Variants in KCNH1 observed in about 807,000 individuals in gnomAD.
KCNH1 encodes the protein potassium voltage-gated channel subfamily H member 1.
A neutral mutation model predicts 69.2 loss-of-function variants in KCNH1; 27 were observed. The ratio of observed to expected loss-of-function variants is 0.39; its 90% CI spans 0.29 to 0.54. The LOEUF (loss-of-function observed/expected upper bound fraction) is 0.54. Ranked by LOEUF, KCNH1 falls within the 20% of genes least tolerant of loss-of-function variation. The probability of loss-of-function intolerance (pLI) is 0.68; values close to 1 mark genes in which losing one functional copy is unlikely to be tolerated. For missense variants in KCNH1, 798 were observed against 1,261.6 expected (o/e 0.63, Z 5.57); for synonymous variants, 456 against 487.7 (o/e 0.93, Z 0.86).
rs1558472980 is a variant in KCNH1, at chr1:210,795,962, A to ACACACAC, written c.1915+1545_1915+1546insGTGTGTG. Among the ~76,000 whole-genome samples, 1,155 of 136,084 alleles carry ACACACAC rather than the reference A, an allele frequency of 8.5e-3. 12 individuals carry two copies. The highest frequency in any genetic ancestry group is 0.013 in the Non-Finnish European group (804 of 64,080). 89.3% of individuals were successfully genotyped at this position (136,084 alleles called of 152,430 possible). A position where few individuals can be genotyped will look rare whatever the true frequency, so the allele number is the denominator to read the frequency against. Reference sequence around the variant, plus strand: ...ATGGTGAAACCCCATCTCTACTAAAAACACACACACACACACACACACACA... The same window carrying ACACACAC: ...ATGGTGAAACCCCATCTCTACTAAAACACACACACACACACACACACACACACACACA... On this transcript the variant is annotated intron_variant, in intron 9 of 10. Coordinates refer to ENST00000271751, the MANE Select transcript of KCNH1 (RefSeq NM_172362.3).
At chr1:210,886,644 C>G (rs1027314012) in intron 7 of KCNH1, among the ~76,000 whole-genome samples, 1 of 151,484 alleles carries the variant, frequency 6.6e-6, no homozygotes, top group African/African-American at 2.4e-5. Context: ...AAGCTAAGAA[C>G]CTTGAAAAAA....
chr1:210,687,898 C>T (rs1011554311), intron 10 of KCNH1, among the ~76,000 whole-genome samples: 20 of 152,252 alleles, frequency 1.3e-4, no homozygotes, highest in African/African-American at 3.6e-4. Flanking sequence ...ATCCTGGGAA[C>T]GATGGGCATG....
chr1:210,971,019 T>C (rs1386299172), intron 6 of KCNH1, among the ~76,000 whole-genome samples: 1 of 152,198 alleles, frequency 6.6e-6, no homozygotes, highest in Non-Finnish European at 1.5e-5. Flanking sequence ...AAGACATTTA[T>C]GCGGCCAATA....
intron 6 of KCNH1, among the ~76,000 whole-genome samples, chr1:210,928,203 A>C (rs1399474037): frequency 1.3e-5 from 2 of 152,190 alleles, no homozygotes; most frequent in African/African-American, 2.4e-5. Flanking sequence ...TGCTACCACA[A>C]ATAAACTTAA....
chr1:211,127,262 G>A (rs1402350153), intron 1 of KCNH1, among the ~76,000 whole-genome samples: 1 of 152,080 alleles, frequency 6.6e-6, no homozygotes, highest in Admixed American at 6.5e-5. Context: ...CACTAAATCT[G>A]TGCCTTTCCT....
At chr1:210,971,520 C>T (rs569119605) in intron 6 of KCNH1, among the ~76,000 whole-genome samples, 5 of 152,228 alleles carry the variant, frequency 3.3e-5, no homozygotes, top group Non-Finnish European at 7.4e-5. Flanking sequence ...ACATTACCTC[C>T]TATTTTACTG....
chr1:211,024,234 C>CA (rs557801669), intron 5 of KCNH1, among the ~76,000 whole-genome samples: 72 of 152,104 alleles, frequency 4.7e-4, no homozygotes, highest in Non-Finnish European at 8.8e-4. Context: ...CACTAAATAA[C>CA]ACTGGGGCAG....
chr1:211,051,009 T>TGTTGTTGTC (rs1233339130), intron 5 of KCNH1, among the ~76,000 whole-genome samples: 1 of 151,674 alleles, frequency 6.6e-6, no homozygotes, highest in African/African-American at 2.4e-5. Context: ...TTGTTGTTGT[T>TGTTGTTGTC]GTTTTGAGAG....
At chr1:210,809,509 AT>A (rs1402807163) in intron 7 of KCNH1, among the ~76,000 whole-genome samples, 3 of 152,136 alleles carry the variant, frequency 2.0e-5, no homozygotes, top group African/African-American at 7.2e-5. Context: ...GACCATGAAT[AT>A]TCATAAAAAG....
chr1:211,122,404 G>A (rs559716083), intron 1 of KCNH1, among the ~76,000 whole-genome samples: 2 of 152,156 alleles, frequency 1.3e-5, no homozygotes, highest in Non-Finnish European at 2.9e-5. Flanking sequence ...CAACCATTGT[G>A]GAAGACAGTG....
At chr1:210,890,163 C>G (rs984078586) in intron 7 of KCNH1, among the ~76,000 whole-genome samples, 36 of 152,248 alleles carry the variant, frequency 2.4e-4, no homozygotes, top group African/African-American at 8.2e-4. Context: ...GCTACAGTAA[C>G]CAAATCAGCT....
At chr1:211,041,282 G>A (rs1689990823) in intron 5 of KCNH1, among the ~76,000 whole-genome samples, 1 of 152,160 alleles carries the variant, frequency 6.6e-6, no homozygotes, top group Non-Finnish European at 1.5e-5. Context: ...TCAGCAGCAT[G>A]CACAGTTCTT....
At chr1:211,096,051 A>ATTTC (rs1247946034) in intron 3 of KCNH1, among the ~76,000 whole-genome samples, 3 of 151,220 alleles carry the variant, frequency 2.0e-5, no homozygotes, top group African/African-American at 7.3e-5. Context: ...GTATCACTTT[A>ATTTC]TTTATTTATT....
chr1:210,922,619 T>C (rs1394303922), intron 6 of KCNH1, among the ~76,000 whole-genome samples: 1 of 152,068 alleles, frequency 6.6e-6, no homozygotes, highest in Non-Finnish European at 1.5e-5. Context: ...CTGAGTCTCT[T>C]TTTCCCTACC....
chr1:211,125,949 A>G (rs1691769553), intron 1 of KCNH1, among the ~76,000 whole-genome samples: 1 of 152,244 alleles, frequency 6.6e-6, no homozygotes, highest in African/African-American at 2.4e-5. Flanking sequence ...ATAACTCTGT[A>G]ATACCTAATC....
At chr1:210,867,537 T>A (rs765629346) in intron 7 of KCNH1, among the ~76,000 whole-genome samples, 14 of 151,978 alleles carry the variant, frequency 9.2e-5, no homozygotes, top group Admixed American at 2.6e-4. Flanking sequence ...TATTGAGGTA[T>A]AATTTACATG....
intron 7 of KCNH1, among the ~76,000 whole-genome samples, chr1:210,808,133 T>C (rs1041614047): frequency 2.0e-5 from 3 of 152,188 alleles, no homozygotes; most frequent in African/African-American, 7.2e-5. Context: ...GCTAGTTGTC[T>C]TTTTCCAGTG....
At chr1:210,913,803 T>A (rs963049821) in intron 7 of KCNH1, among the ~76,000 whole-genome samples, 7 of 152,222 alleles carry the variant, frequency 4.6e-5, no homozygotes, top group African/African-American at 1.4e-4. Context: ...CTCAGGCACA[T>A]GACCACTCAG....
intron 6 of KCNH1, among the ~76,000 whole-genome samples, chr1:210,981,599 A>G (rs2102377968): frequency 6.6e-6 from 1 of 152,256 alleles, no homozygotes; most frequent in East Asian, 1.9e-4. Flanking sequence ...TACTATCTCA[A>G]TAAGGAATGA....
Sources: gnomAD v4.1 joint callset for allele counts (sites outside exome capture counted in the v4.1 genomes callset) on GRCh38, gnomAD v4.1.1 for gene constraint, MANE v1.5 for transcripts, NCBI Gene and HGNC (gene_info 2026-07-23, HGNC 2026-07-21) for gene names.